Variants in DKK3 observed in about 807,000 individuals in gnomAD.
DKK3 encodes the protein dickkopf Wnt signaling pathway inhibitor 3.
DKK3 carries 22 observed loss-of-function variants against 33.2 expected under a neutral mutation model. That is an observed-to-expected ratio of 0.66 (90% CI 0.47 to 0.95). DKK3 has a LOEUF of 0.95. Ranked by LOEUF, DKK3 falls within the 40% of genes least tolerant of loss-of-function variation. DKK3 has a pLI of 0.00. For synonymous variants in DKK3, 194 were observed against 188.8 expected, an observed-to-expected ratio of 1.03 and a Z score of -0.23; for missense variants, 398 against 458.4, an observed-to-expected ratio of 0.87 and a Z score of 1.20.
At position 11,982,944 on chromosome 11, in the gene DKK3, C is replaced by G. The variant is rs530444195; in HGVS notation, c.436-14457G>C. ...GGATTGGTTGTGCTATTCCTTCATT[C>G]ATGCAAGGGAAGGAATGATGCAGGG... On this transcript the variant is annotated intron_variant, in intron 3 of 6. Coordinates refer to ENST00000683431, the MANE Select transcript of DKK3 (RefSeq NM_001018057.2). Among the ~76,000 whole-genome samples the G allele has an allele frequency of 3.9e-5, 6 of 152,318 alleles. No homozygotes were observed. The East Asian group carries it at 1.2e-3, about 29-fold the overall frequency.
chr11:12,000,546 C>G (rs200714072), intron 2 of DKK3, among the ~76,000 whole-genome samples: 12 of 151,064 alleles, frequency 7.9e-5, no homozygotes, highest in African/African-American at 2.7e-4. Flanking sequence ...CACTCTGTCA[C>G]CCAGGCTGGA....
At chr11:11,982,863 G>A (rs1847985598) in intron 3 of DKK3, among the ~76,000 whole-genome samples, 1 of 152,206 alleles carries the variant, frequency 6.6e-6, no homozygotes, top group African/African-American at 2.4e-5. Flanking sequence ...ATGGGATTAA[G>A]TTTAGAGTGA....
intron 3 of DKK3, among the ~76,000 whole-genome samples, chr11:11,986,162 G>T (rs1848066935): frequency 6.6e-6 from 1 of 152,140 alleles, no homozygotes; most frequent in South Asian, 2.1e-4. Context: ...TCAAGCCAGG[G>T]TGTTTTTCTA....
intron 1 of DKK3, among the ~76,000 whole-genome samples, chr11:12,004,739 G>A (rs571831814): frequency 2.0e-4 from 31 of 152,336 alleles, no homozygotes; most frequent in African/African-American, 7.2e-4. Context: ...AAGAATTAAG[G>A]CATGAAATAC....
chr11:12,008,676 C>CACATCCACCAAGAGAGGCTGA, upstream of DKK3: 1 of 1,228,532 alleles, frequency 8.1e-7, no homozygotes. This position sits in a 1 kb window ranked among gnomAD's most constrained non-coding sequence, Gnocchi z 4.6. Flanking sequence ...CGCCCCGCCC[C>CACATCCACCAAGAGAGGCTGA]GTTCCGCCCC....
At chr11:11,996,137 C>T (rs1413902118) in intron 3 of DKK3, among the ~76,000 whole-genome samples, 1 of 152,182 alleles carries the variant, frequency 6.6e-6, no homozygotes, top group Non-Finnish European at 1.5e-5. Flanking sequence ...ATGATTTGTC[C>T]TTTGCCATGG....
chr11:11,980,946 C>T (rs1204386812), intron 3 of DKK3, among the ~76,000 whole-genome samples: 1 of 152,158 alleles, frequency 6.6e-6, no homozygotes, highest in South Asian at 2.1e-4. Context: ...TCCCTAAAGC[C>T]CCCAAGACCT....
chr11:12,002,197 T>C (rs1848442917), intron 2 of DKK3, 103 bp downstream of exon 2: 1 of 1,242,960 alleles, frequency 8.0e-7, no homozygotes, highest in South Asian at 1.9e-5. Context: ...TCAATTGTAG[T>C]TTGGGCTTGT....
Position 11,965,885 on chromosome 11 carries a change from T to G in DKK3, c.754A>C (p.Ile252Leu). 1 of 1,614,104 alleles carries G rather than the reference T, an allele frequency of 6.2e-7. No homozygotes were observed. Among genetic ancestry groups the G allele is most frequent in the Non-Finnish European group, 8.5e-7 (1 of 1,180,022 alleles). The part of the protein sequence containing the change: ...HDPASRLLDL[I>L]TWELEPDGAL... ...CCATCAGGCTCTAGCTCCCAGGTGA[T>G]GAGGTCCAGAAGCCGGCTGGCGGGG... is the stretch of plus-strand genomic sequence containing the variant. Residue 252 changes from isoleucine (I) to leucine (L), a missense_variant, in exon 6 of 7, where the codon ATC (isoleucine) becomes CTC (leucine). Ile to Leu is a conservative substitution (Grantham distance 5, BLOSUM62 2). Transcript: ENST00000683431.
At chr11:11,966,087 G>C in intron 5 of DKK3, 122 bp from the exon 6 acceptor site, 4 of 1,202,738 alleles carry the variant, frequency 3.3e-6, no homozygotes, top group Non-Finnish European at 4.5e-6. Flanking sequence ...GTGCAGGCTA[G>C]TTTTGAAGAT....
chr11:12,009,250 G>C (rs1458871777), upstream of DKK3: 3 of 984,732 alleles, frequency 3.0e-6, no homozygotes, highest in Non-Finnish European at 2.4e-6. Context: ...TGCGGGTGCA[G>C]ATGCGGGAGC....
chr11:11,976,642 G>A (rs1354684011), intron 3 of DKK3, among the ~76,000 whole-genome samples: 1 of 152,204 alleles, frequency 6.6e-6, no homozygotes, highest in Non-Finnish European at 1.5e-5. Context: ...GAGGCAGGAG[G>A]GAACTCTGGA....
In DKK3 at chr11:12,008,206, G is replaced by C. The variant is rs1848577721; in HGVS notation, c.213+164C>G. The stretch of plus-strand genomic sequence containing the variant: ...GGAGGCAAAACGAGGCGGGAGTAGG[G>C]ATCACCGTGCGCTGCCTCCAGGTCA... On this transcript the variant is annotated intron_variant, in intron 1 of 6. Coordinates refer to ENST00000683431, the MANE Select transcript of DKK3 (RefSeq NM_001018057.2). This position sits in a 1 kb window ranked among gnomAD's most constrained non-coding sequence, Gnocchi z 4.6. 6.6e-6 allele frequency among the ~76,000 whole-genome samples: 1 copy of C among 152,140 alleles called. No homozygotes were observed. Among genetic ancestry groups the C allele is most frequent in the Non-Finnish European group, 1.5e-5 (1 of 68,018 alleles).
chr11:11,978,396 TTCTTCC>T (rs1262124926), intron 3 of DKK3, among the ~76,000 whole-genome samples: 4 of 149,198 alleles, frequency 2.7e-5, no homozygotes, highest in Non-Finnish European at 2.9e-5. Flanking sequence ...TTTCTTCTTC[TTCTTCC>T]TCTTCCTCTT....
At chr11:11,967,441 G>A (rs1389329125) in intron 4 of DKK3, among the ~76,000 whole-genome samples, 1 of 152,198 alleles carries the variant, frequency 6.6e-6, no homozygotes, top group East Asian at 1.9e-4. Context: ...GCCCAAAGAG[G>A]CAAGGCCCAA....
intron 1 of DKK3, among the ~76,000 whole-genome samples, chr11:12,005,731 T>C (rs1848524242): frequency 2.6e-5 from 4 of 152,116 alleles, no homozygotes; most frequent in Admixed American, 6.5e-5. Context: ...CTGGCCCAGG[T>C]CCTTTTTGAT....
intron 3 of DKK3, among the ~76,000 whole-genome samples, chr11:11,995,182 C>T (rs866634050): frequency 2.0e-5 from 3 of 152,296 alleles, no homozygotes; most frequent in South Asian, 2.1e-4. Context: ...TGGGCTCAAG[C>T]GATCCTCCTG....
intron 3 of DKK3, among the ~76,000 whole-genome samples, chr11:11,984,384 C>A (rs545133765): frequency 1.4e-4 from 21 of 152,170 alleles, no homozygotes; most frequent in Admixed American, 9.8e-4. Context: ...ATATGTATAA[C>A]AACAGTAAGA....
chr11:11,978,178 G>A (rs926966034), intron 3 of DKK3, among the ~76,000 whole-genome samples: 1 of 152,180 alleles, frequency 6.6e-6, no homozygotes, highest in African/African-American at 2.4e-5. Flanking sequence ...CCTTGAGCAG[G>A]AGAAGGTTGA....
Sources: gnomAD v4.1 joint callset for allele counts (sites outside exome capture counted in the v4.1 genomes callset) on GRCh38, gnomAD v4.1.1 for gene constraint, Gnocchi (gnomAD v3.1) non-coding constraint, MANE v1.5 for transcripts, NCBI Gene and HGNC (gene_info 2026-07-23, HGNC 2026-07-21) for gene names.